The following CLEC12A variants were observed in gnomAD, a reference collection of about 807,000 sequenced individuals.
CLEC12A encodes C-type lectin protein CLL-1.
A neutral mutation model predicts 26.5 loss-of-function variants in CLEC12A; 22 were observed. The ratio of observed to expected loss-of-function variants is 0.83; its 90% CI spans 0.59 to 1.19. CLEC12A has a LOEUF of 1.19. CLEC12A is among the 50% of genes most tolerant of loss of function. The pLI is 0.00. For missense variants in CLEC12A, 353 were observed against 315.6 expected, an observed-to-expected ratio of 1.12 and a Z score of -0.90; for synonymous variants, 119 against 101.9, an observed-to-expected ratio of 1.17 and a Z score of -1.01.
At chr12:9,997,193 C>G (rs199498047), downstream of CLEC12A, 221 of 1,613,838 alleles carry the variant, frequency 1.4e-4, no homozygotes, top group Non-Finnish European at 1.8e-4. Context: ...TGTTTTACCA[C>G]ATATTGACAG....
chr12:9,995,452 G>C, exon 5 of CLEC12A: 2 of 517,628 alleles, frequency 3.9e-6, no homozygotes, highest in Non-Finnish European at 7.1e-6. Context: ...AGGTAAAATT[G>C]TACACAAAAT....
At chr12:9,996,885 C>T (rs748131775), downstream of CLEC12A, 110 of 1,613,934 alleles carry the variant, frequency 6.8e-5, no homozygotes, top group Non-Finnish European at 8.7e-5. Context: ...GAGTAGCATT[C>T]ATGTCAGTGC....
chr12:9,986,452 G>A (rs1864770425), downstream of CLEC12A, among the ~76,000 whole-genome samples: 1 of 130,318 alleles, frequency 7.7e-6, no homozygotes, highest in Non-Finnish European at 1.6e-5. Flanking sequence ...AGAAATTATA[G>A]CAAGACCAAT....
chr12:9,970,588 A>G (rs1323826934), upstream of CLEC12A, among the ~76,000 whole-genome samples: 2 of 152,188 alleles, frequency 1.3e-5, no homozygotes, highest in Non-Finnish European at 2.9e-5. Flanking sequence ...AATAAAAAAT[A>G]CTAAGACTAT....
At chr12:9,996,791 C>A, downstream of CLEC12A, 1 of 1,580,330 alleles carries the variant, frequency 6.3e-7, no homozygotes, top group Non-Finnish European at 8.7e-7. Context: ...TCAAGTGTTA[C>A]ATTTGAGGTT....
downstream of CLEC12A, chr12:9,997,215 T>A (rs200687802): frequency 3.4e-5 from 55 of 1,613,880 alleles, no homozygotes; most frequent in Middle Eastern, 3.3e-4. Context: ...AGCGCTTTGC[T>A]AATTGTTGCA....
At chr12:9,972,348 C>G (rs566951561) in intron 1 of CLEC12A, among the ~76,000 whole-genome samples, 14 of 152,184 alleles carry the variant, frequency 9.2e-5, no homozygotes, top group African/African-American at 3.4e-4. Context: ...AAATTAAAAT[C>G]ATGAAATAAG....
intron 1 of CLEC12A, among the ~76,000 whole-genome samples, chr12:9,961,351 G>C (rs1201809076): frequency 6.6e-6 from 1 of 152,164 alleles, no homozygotes; most frequent in African/African-American, 2.4e-5. Flanking sequence ...CCATTCAGAT[G>C]GTTGAGGGGC....
At chr12:9,955,295 G>A in intron 1 of CLEC12A, among the ~76,000 whole-genome samples, 1 of 152,054 alleles carries the variant, frequency 6.6e-6, no homozygotes, top group East Asian at 1.9e-4. Flanking sequence ...CACCATGTTA[G>A]CCAGGATGGT....
At chr12:10,002,040 T>G in the CLEC12A span, among the ~76,000 whole-genome samples, 1 of 151,702 alleles carries the variant, frequency 6.6e-6, no homozygotes, top group East Asian at 2.0e-4. Context: ...CCACCACGCC[T>G]GGCTAATTTT....
At chr12:9,984,417 A>G (rs567009845) in intron 5 of CLEC12A, among the ~76,000 whole-genome samples, 8 of 152,248 alleles carry the variant, frequency 5.3e-5, no homozygotes, top group Non-Finnish European at 1.2e-4. Flanking sequence ...TCTTTTGCCA[A>G]GTGTCACTTA....
intron 1 of CLEC12A, among the ~76,000 whole-genome samples, chr12:9,975,017 C>T (rs938243846): frequency 6.6e-6 from 1 of 152,158 alleles, no homozygotes; most frequent in Non-Finnish European, 1.5e-5. Flanking sequence ...CACAAGTTCT[C>T]TCTTGTCTGT....
chr12:9,965,521 G>T (rs142818062), intron 1 of CLEC12A, among the ~76,000 whole-genome samples: 2 of 151,018 alleles, frequency 1.3e-5, no homozygotes, highest in South Asian at 2.1e-4. Context: ...AGGCTGGGAT[G>T]ACGGGTGCAA....
At chr12:9,978,027 T>C (rs2137172499) in intron 1 of CLEC12A, among the ~76,000 whole-genome samples, 1 of 152,262 alleles carries the variant, frequency 6.6e-6, no homozygotes, top group East Asian at 1.9e-4. Context: ...GTAACTATTT[T>C]CTAAAGTCTA....
chr12:10,002,908 C>G, the CLEC12A span, among the ~76,000 whole-genome samples: 1 of 152,054 alleles, frequency 6.6e-6, no homozygotes, highest in Non-Finnish European at 1.5e-5. Flanking sequence ...GGAGTACATG[C>G]AGTAAGAATG....
intron 1 of CLEC12A, among the ~76,000 whole-genome samples, chr12:9,977,651 T>A (rs1864391154): frequency 6.6e-6 from 1 of 152,218 alleles, no homozygotes; most frequent in South Asian, 2.1e-4. Context: ...AGCTTAGTTT[T>A]AAATCTCTGC....
At chr12:9,987,791 TTTTC>T (rs200825735), downstream of CLEC12A, among the ~76,000 whole-genome samples, 12 of 152,160 alleles carry the variant, frequency 7.9e-5, no homozygotes, top group East Asian at 1.5e-3. Context: ...TCATTTTACC[TTTTC>T]TTTCTTTCTT....
At chr12:9,971,004 A>G (rs1864106333), upstream of CLEC12A, among the ~76,000 whole-genome samples, 1 of 152,188 alleles carries the variant, frequency 6.6e-6, no homozygotes, top group Non-Finnish European at 1.5e-5. Context: ...TAACATGGCA[A>G]CGGAATGACA....
chr12:9,997,400 CAT>C, downstream of CLEC12A: 1 of 827,712 alleles, frequency 1.2e-6, no homozygotes, highest in South Asian at 1.9e-5. Context: ...ACTAGATACA[CAT>C]GATTAAATGA....
Sources: gnomAD v4.1 joint callset for allele counts (sites outside exome capture counted in the v4.1 genomes callset) on GRCh38, gnomAD v4.1.1 for gene constraint, MANE v1.5 for transcripts, NCBI Gene and HGNC (gene_info 2026-07-23, HGNC 2026-07-21) for gene names.